SPAG1: variants seen among roughly 807,000 people sequenced by gnomAD.
SPAG1 encodes the protein sperm associated antigen 1, also known as sperm-associated antigen 1.
SPAG1 carries 69 observed loss-of-function variants against 100.5 expected under a neutral mutation model. The ratio of observed to expected loss-of-function variants is 0.69; its 90% confidence interval spans 0.57 to 0.84. The LOEUF is 0.84. Ranked by LOEUF, SPAG1 falls within the 40% of genes least tolerant of loss-of-function variation. SPAG1 has a pLI of 0.00. For missense variants in SPAG1, 955 were observed against 1,133.1 expected (o/e 0.84, Z 2.26); for synonymous variants, 336 against 411.6 (o/e 0.82, Z 2.22).
chr8:100,186,147 C>T (rs539002580), intron 7 of SPAG1, among the ~76,000 whole-genome samples: 1 of 146,030 alleles, frequency 6.8e-6, no homozygotes, highest in Admixed American at 7.2e-5. Flanking sequence ...CTCGCTGCAG[C>T]CTCAAACTCC....
chr8:100,195,151 C>T (rs182426987), intron 10 of SPAG1, among the ~76,000 whole-genome samples: 110 of 139,902 alleles, frequency 7.9e-4, no homozygotes, highest in African/African-American at 1.7e-3. Flanking sequence ...GGCAATAGAG[C>T]GAGACTCCAT....
intron 12 of SPAG1, among the ~76,000 whole-genome samples, chr8:100,218,084 G>A (rs762634921): frequency 6.6e-6 from 1 of 152,154 alleles, no homozygotes; most frequent in Non-Finnish European, 1.5e-5. Flanking sequence ...GAGCCACCGT[G>A]CCTGGCCAGT....
chr8:100,231,115 T>C (rs1563813289), intron 14 of SPAG1, 41 bp from the exon 15 acceptor site: 1 of 1,567,612 alleles, frequency 6.4e-7, no homozygotes, highest in Non-Finnish European at 8.6e-7. Flanking sequence ...ATAGAGGTGC[T>C]TGTACAGATA....
At chr8:100,194,368 T>A in intron 10 of SPAG1, 100 bp downstream of exon 10, 1 of 1,492,554 alleles carries the variant, frequency 6.7e-7, no homozygotes, top group Non-Finnish European at 9.1e-7. Context: ...AATCTATCAG[T>A]TTTTCTAGCT....
Position 100,202,725 on chromosome 8 carries a change from A to G in SPAG1, c.1096+8457A>G, listed in dbSNP as rs1029713639. Among the ~76,000 whole-genome samples, 635 of 150,516 alleles carry G rather than the reference A, an allele frequency of 4.2e-3. 7 individuals carry two copies. Among genetic ancestry groups the G allele is most frequent in the Middle Eastern group, 0.014 (4 of 288 alleles). On this transcript the variant is annotated intron_variant, in intron 10 of 18. Transcript: ENST00000388798. ...ACTCCGTCTCAAAAAAAAAAAAAAA[A>G]AAAAAAAAAAAAAGAATCAACTGGC...
intron 3 of SPAG1, among the ~76,000 whole-genome samples, chr8:100,173,828 T>C (rs1281785689): frequency 1.3e-5 from 2 of 152,130 alleles, no homozygotes; most frequent in South Asian, 2.1e-4. Context: ...GAAATCTTGC[T>C]GAAAAGAATG....
intron 10 of SPAG1, among the ~76,000 whole-genome samples, chr8:100,202,960 C>A (rs1817351579): frequency 6.6e-6 from 1 of 152,144 alleles, no homozygotes. Flanking sequence ...TTGAGCCTAC[C>A]ACTGCACTCC....
intron 4 of SPAG1, among the ~76,000 whole-genome samples, chr8:100,179,063 C>CA (rs34312235): frequency 0.19 from 21,728 of 111,772 alleles, 1,993 homozygotes; most frequent in South Asian, 0.25. Flanking sequence ...TCCTCTGTCT[C>CA]AAAAAAAAAA....
intron 10 of SPAG1, among the ~76,000 whole-genome samples, chr8:100,198,771 T>C (rs1319464725): frequency 6.6e-6 from 1 of 152,212 alleles, no homozygotes; most frequent in African/African-American, 2.4e-5. Flanking sequence ...TCTATACCCA[T>C]TGGCAGTTAC....
intron 10 of SPAG1, among the ~76,000 whole-genome samples, chr8:100,200,121 G>A (rs1296778663): frequency 2.6e-5 from 4 of 151,958 alleles, no homozygotes; most frequent in South Asian, 2.1e-4. Context: ...GACAGGCCCC[G>A]GTGTGTGATG....
At chr8:100,218,290 A>G (rs1186959086) in intron 12 of SPAG1, among the ~76,000 whole-genome samples, 1 of 151,930 alleles carries the variant, frequency 6.6e-6, no homozygotes, top group African/African-American at 2.4e-5. Context: ...CATTTTCAGG[A>G]TTGTAGTTAA....
In SPAG1 at chr8:100,198,300, A is replaced by G. The variant is rs371930349; in HGVS notation, c.1096+4032A>G. 1.5e-4 allele frequency among the ~76,000 whole-genome samples: 23 copies of G among 152,332 alleles called. No individual in the cohort carries two copies. In the South Asian group the frequency reaches 2.5e-3, roughly 16 times the overall value. On this transcript the variant is annotated intron_variant, in intron 10 of 18. Transcript: ENST00000388798. ...AATCAACAAAATCATAAAGGTGAAT[A>G]ATTTTGATTATGTGAAAATGAAAAA... is the stretch of plus-strand genomic sequence containing the variant.
At chr8:100,171,496 A>C (rs971563729) in intron 3 of SPAG1, among the ~76,000 whole-genome samples, 1 of 152,152 alleles carries the variant, frequency 6.6e-6, no homozygotes, top group Non-Finnish European at 1.5e-5. Context: ...AAAGATTTTA[A>C]CTGTGAATTC....
chr8:100,232,318 T>G (rs1028471697), intron 15 of SPAG1, among the ~76,000 whole-genome samples: 1 of 152,060 alleles, frequency 6.6e-6, no homozygotes, highest in Non-Finnish European at 1.5e-5. Flanking sequence ...GGCTTTTCTT[T>G]CCCTAGAATT....
intron 4 of SPAG1, among the ~76,000 whole-genome samples, chr8:100,181,661 C>T (rs1187880745): frequency 6.6e-6 from 1 of 152,122 alleles, no homozygotes; most frequent in Admixed American, 6.6e-5. Flanking sequence ...TGGTTTGTAG[C>T]GGCACAACTC....
chr8:100,212,997 C>T (rs1817785778), intron 10 of SPAG1, 93 bp from the exon 11 acceptor site: 2 of 1,068,320 alleles, frequency 1.9e-6, no homozygotes, highest in South Asian at 2.1e-5. Flanking sequence ...AGAGCCCGCC[C>T]TCCGCGTCCT....
intron 10 of SPAG1, among the ~76,000 whole-genome samples, chr8:100,210,442 C>T (rs551939254): frequency 2.6e-5 from 4 of 152,280 alleles, no homozygotes; most frequent in Admixed American, 1.3e-4. Context: ...CTATCAACTA[C>T]TCACACTACC....
intron 9 of SPAG1, among the ~76,000 whole-genome samples, chr8:100,192,996 A>G (rs1478350082): frequency 6.6e-6 from 1 of 152,256 alleles, no homozygotes; most frequent in African/African-American, 2.4e-5. Context: ...GATGTAAGAT[A>G]TAAAATATAA....
At chr8:100,231,596 C>T (rs759906744) in intron 15 of SPAG1, among the ~76,000 whole-genome samples, 1 of 152,186 alleles carries the variant, frequency 6.6e-6, no homozygotes, top group Admixed American at 6.5e-5. Flanking sequence ...CCTGGCTTGC[C>T]GGCCTCGTTG....
Sources: gnomAD v4.1 joint callset for allele counts (sites outside exome capture counted in the v4.1 genomes callset) on GRCh38, gnomAD v4.1.1 for gene constraint, MANE v1.5 for transcripts, NCBI Gene and HGNC (gene_info 2026-07-23, HGNC 2026-07-21) for gene names.